The following PRKN variants were observed in gnomAD, a reference collection of about 807,000 sequenced individuals.
PRKN encodes E3 ubiquitin-protein ligase parkin.
PRKN carries 56 observed loss-of-function variants against 59.5 expected under a neutral mutation model. That is an observed-to-expected ratio of 0.94 (90% CI 0.76 to 1.18). PRKN has a LOEUF of 1.18. PRKN is among the 50% of genes most tolerant of loss of function. The pLI is 0.00. For missense variants in PRKN, 657 were observed against 596.4 expected, an observed-to-expected ratio of 1.10 and a Z score of -1.06; for synonymous variants, 250 against 222.1, an observed-to-expected ratio of 1.13 and a Z score of -1.12.
intron 6 of PRKN, among the ~76,000 whole-genome samples, chr6:161,904,276 C>T (rs1011144656): frequency 2.7e-5 from 4 of 147,210 alleles, no homozygotes; most frequent in Non-Finnish European, 4.5e-5. Context: ...TTTGAGGGGG[C>T]AAGGTGTGTT....
intron 9 of PRKN, among the ~76,000 whole-genome samples, chr6:161,535,506 T>C (rs1036854286): frequency 6.6e-5 from 10 of 152,214 alleles, no homozygotes; most frequent in Non-Finnish European, 1.5e-4. Context: ...GGCTGACATT[T>C]GTCCGCTCAT....
chr6:162,389,902 C>T (rs1310132950), intron 2 of PRKN, among the ~76,000 whole-genome samples: 2 of 152,196 alleles, frequency 1.3e-5, no homozygotes, highest in East Asian at 3.9e-4. Flanking sequence ...TGCAGAGTTT[C>T]TCTGCACTGG....
intron 2 of PRKN, among the ~76,000 whole-genome samples, chr6:162,286,732 T>C (rs957932252): frequency 6.6e-6 from 1 of 152,216 alleles, no homozygotes; most frequent in Non-Finnish European, 1.5e-5. Flanking sequence ...TTCTTTTTCA[T>C]TTTTAAAATA....
chr6:162,207,814 C>G (rs1435397026), intron 3 of PRKN, among the ~76,000 whole-genome samples: 1 of 152,118 alleles, frequency 6.6e-6, no homozygotes, highest in Non-Finnish European at 1.5e-5. Flanking sequence ...GTGAAGTTCC[C>G]TGAACTCAAT....
intron 6 of PRKN, among the ~76,000 whole-genome samples, chr6:161,972,150 T>C (rs1780838795): frequency 6.6e-6 from 1 of 151,804 alleles, no homozygotes; most frequent in Non-Finnish European, 1.5e-5. Flanking sequence ...GGCGCATGCC[T>C]GTAATCCCAG....
intron 7 of PRKN, among the ~76,000 whole-genome samples, chr6:161,626,900 C>T (rs148532267): frequency 2.0e-5 from 3 of 152,168 alleles, no homozygotes; most frequent in East Asian, 1.9e-4. Context: ...CAGTCCTGCT[C>T]GCAGACGATT....
At chr6:162,708,645 A>C (rs1380238931) in intron 1 of PRKN, among the ~76,000 whole-genome samples, 3 of 152,214 alleles carry the variant, frequency 2.0e-5, no homozygotes, top group Admixed American at 2.0e-4. Flanking sequence ...TCACTAACTC[A>C]AAGGCCAAAA....
chr6:162,576,652 A>G (rs1780568546), intron 1 of PRKN, among the ~76,000 whole-genome samples: 1 of 152,080 alleles, frequency 6.6e-6, no homozygotes, highest in Non-Finnish European at 1.5e-5. Context: ...TCTCTACTAA[A>G]AATACAAAAA....
intron 5 of PRKN, among the ~76,000 whole-genome samples, chr6:162,030,456 G>A (rs1213704181): frequency 7.9e-5 from 12 of 152,166 alleles, no homozygotes; most frequent in Admixed American, 7.9e-4. Context: ...ATGTCACAGT[G>A]ATTTGCATCT....
chr6:161,803,812 T>C (rs9458379), intron 6 of PRKN, among the ~76,000 whole-genome samples: 4,366 of 152,266 alleles, frequency 0.029, 212 homozygotes, highest in African/African-American at 0.1. Flanking sequence ...GTTCCTGGCA[T>C]GTGGCGGGTC....
At position 162,053,645 on chromosome 6, in the gene PRKN, T is replaced by C. The variant is rs543684729; in HGVS notation, c.618+446A>G. Among the ~76,000 whole-genome samples the C allele has an allele frequency of 4.4e-4, 67 of 152,030 alleles. No homozygotes were observed. In the South Asian group the frequency reaches 0.014, roughly 31 times the overall value. ...TGTAATAGTCCACTATGTCAGAAAATTACTAAAGAAAGGTAGAAGTAGATA... is the reference window on the plus strand; with the variant it reads ...TGTAATAGTCCACTATGTCAGAAAACTACTAAAGAAAGGTAGAAGTAGATA... On this transcript the variant is annotated intron_variant, in intron 5 of 11. Transcript: ENST00000366898.
chr6:162,442,398 G>C (rs1318569406), intron 2 of PRKN, among the ~76,000 whole-genome samples: 1 of 152,150 alleles, frequency 6.6e-6, no homozygotes. Flanking sequence ...ACAGTCACAG[G>C]GACCATTCCC....
intron 4 of PRKN, among the ~76,000 whole-genome samples, chr6:162,173,332 T>C (rs949427841): frequency 7.9e-5 from 12 of 152,130 alleles, no homozygotes; most frequent in African/African-American, 2.9e-4. Context: ...CTCTAGATTA[T>C]AGCACCGAGT....
chr6:162,086,755 T>A (rs1779262262), intron 4 of PRKN, among the ~76,000 whole-genome samples: 1 of 152,194 alleles, frequency 6.6e-6, no homozygotes, highest in Non-Finnish European at 1.5e-5. Flanking sequence ...AGCATTTATC[T>A]CCATCTTAAC....
At chr6:161,723,032 G>A (rs1441334997) in intron 7 of PRKN, among the ~76,000 whole-genome samples, 1 of 152,196 alleles carries the variant, frequency 6.6e-6, no homozygotes, top group Non-Finnish European at 1.5e-5. Flanking sequence ...ACTTTGGGAG[G>A]CCAAGGCGGG....
At chr6:162,014,083 C>G (rs962320028) in intron 5 of PRKN, among the ~76,000 whole-genome samples, 1 of 152,158 alleles carries the variant, frequency 6.6e-6, no homozygotes, top group African/African-American at 2.4e-5. Flanking sequence ...GCTACCCCCT[C>G]GTACCTCCCA....
At chr6:161,781,201 T>C (rs1790190796) in intron 7 of PRKN, among the ~76,000 whole-genome samples, 1 of 152,218 alleles carries the variant, frequency 6.6e-6, no homozygotes, top group Admixed American at 6.5e-5. Flanking sequence ...CACTTGTAGT[T>C]ATTAAACATT....
chr6:162,390,375 GTATATATATA>G (rs369827763), intron 2 of PRKN, among the ~76,000 whole-genome samples: 1 of 98,842 alleles, frequency 1.0e-5, no homozygotes. Context: ...TACTGCTAAG[GTATATATATA>G]TATATATATA....
intron 8 of PRKN, among the ~76,000 whole-genome samples, chr6:161,558,021 A>C (rs1317732913): frequency 6.6e-6 from 1 of 152,116 alleles, no homozygotes; most frequent in Non-Finnish European, 1.5e-5. Context: ...AGGGGTCGTG[A>C]TCAGGCTTCT....
Sources: allele counts gnomAD v4.1 joint callset (sites outside exome capture counted in the v4.1 genomes callset), GRCh38; gene constraint gnomAD v4.1.1; transcripts MANE v1.5; gene names NCBI Gene and HGNC (gene_info 2026-07-23, HGNC 2026-07-21).